Variants in CBR4 observed in about 807,000 individuals in gnomAD.
CBR4 encodes the protein 3-oxoacyl-[acyl-carrier-protein] reductase.
Under a neutral mutation model 21.0 loss-of-function variants are expected in CBR4, and 22 were observed. The observed-to-expected ratio is 1.05, with a 90% CI of 0.75 to 1.50. The LOEUF (loss-of-function observed/expected upper bound fraction) is 1.50. Ranked by LOEUF, CBR4 falls within the 40% of genes most tolerant of loss-of-function variation. The pLI is 0.00. For synonymous variants in CBR4, 100 were observed against 104.4 expected (o/e 0.96, Z 0.26); for missense variants, 302 against 286.3 (o/e 1.05, Z -0.40).
chr4:168,894,688 G>A, exon 3 of CBR4: 1 of 1,611,720 alleles, frequency 6.2e-7, no homozygotes, highest in Non-Finnish European at 8.5e-7. Context: ...GTACCATGTT[G>A]CTCTGGACTT....
intron 2 of CBR4, among the ~76,000 whole-genome samples, chr4:168,917,205 C>T (rs28442249): frequency 0.051 from 7,778 of 151,496 alleles, 259 homozygotes; most frequent in Middle Eastern, 0.079. Flanking sequence ...CGCACCACCA[C>T]GCCCAGTTAA....
chr4:168,987,087 G>A (rs1014030428), downstream of CBR4, among the ~76,000 whole-genome samples: 3 of 152,170 alleles, frequency 2.0e-5, no homozygotes, highest in African/African-American at 7.2e-5. Context: ...ATATTCTGCA[G>A]GTAATACTGA....
chr4:169,002,080 C>T lies in CBR4; in HGVS notation c.526G>A (p.Val176Ile), dbSNP rs1334267788. The T allele has an allele frequency of 6.3e-7, 1 of 1,580,496 alleles. No homozygotes were observed. The highest frequency in any genetic ancestry group is 8.6e-7 in the Non-Finnish European group (1 of 1,167,390). ...TAAAGTTTTCACTAACCTGGTGCAA[C>T]TACATTCACTCTAATTTTCTTTCTT... is the stretch of plus-strand genomic sequence containing the variant. ...VARKKIRVNV[V>I]APGFVHTDMT... The change falls in exon 4 of 5, where the codon GTT (valine) becomes ATT (isoleucine). Residue 176 changes from valine to isoleucine, a missense_variant. Val to Ile is a conservative substitution (Grantham distance 29). Transcript: ENST00000306193.
Position 168,988,581 on chromosome 4 carries a change from T to A in CBR4, c.*1569A>T, listed in dbSNP as rs1411212417. On this transcript the variant is annotated 3_prime_UTR_variant, in exon 5 of 5. Transcript: ENST00000306193. Reference sequence around the variant, plus strand: ...GCTCCCCTACCTTACAAGCATCAACTACTACATTGAAACCATTCTGAGTGC... The same window carrying A: ...GCTCCCCTACCTTACAAGCATCAACAACTACATTGAAACCATTCTGAGTGC... The A allele has an allele frequency of 2.0e-6, 2 of 985,296 alleles. No individual in the cohort carries two copies. Among genetic ancestry groups the A allele is most frequent in the African/African-American group, 3.5e-5 (2 of 57,244 alleles). The allele number at this position is 985,296 out of a possible 1,614,324, so 61.0% of individuals were successfully genotyped here.
chr4:168,990,957 G>A (rs778638802), intron 4 of CBR4, among the ~76,000 whole-genome samples: 7 of 152,032 alleles, frequency 4.6e-5, no homozygotes, highest in Non-Finnish European at 8.8e-5. Flanking sequence ...AGGAGGCTGA[G>A]GCAGGAGAAT....
At chr4:168,909,119 A>AGGATCACAAATACAGTTT (rs1470182706) in intron 2 of CBR4, among the ~76,000 whole-genome samples, 1 of 152,218 alleles carries the variant, frequency 6.6e-6, no homozygotes, top group African/African-American at 2.4e-5. Context: ...TGCCAAAATG[A>AGGATCACAAATACAGTTT]GGATCACAAA....
downstream of CBR4, among the ~76,000 whole-genome samples, chr4:168,984,189 G>C (rs1252841748): frequency 1.3e-5 from 2 of 152,092 alleles, no homozygotes; most frequent in African/African-American, 4.8e-5. Flanking sequence ...TCCTAGATCT[G>C]ATAAACATCT....
intron 3 of CBR4, among the ~76,000 whole-genome samples, chr4:169,006,130 TACACAAGATTTA>T (rs1245253196): frequency 6.6e-6 from 1 of 152,174 alleles, no homozygotes; most frequent in Non-Finnish European, 1.5e-5. Flanking sequence ...TTTAAACCTC[TACACAAGATTTA>T]ACAGTAACCC....
At chr4:169,002,261 G>T (rs1385708922) in intron 3 of CBR4, 56 bp from the exon 4 acceptor site, 4 of 1,328,496 alleles carry the variant, frequency 3.0e-6, no homozygotes, top group Admixed American at 3.3e-5. Flanking sequence ...AATTAATGGG[G>T]TTACTTGAAA....
downstream of CBR4, among the ~76,000 whole-genome samples, chr4:168,982,745 A>C (rs2038705642): frequency 6.6e-6 from 1 of 152,212 alleles, no homozygotes; most frequent in African/African-American, 2.4e-5. Flanking sequence ...CAGTAAAAAC[A>C]GAAATCAATA....
intron 2 of CBR4, among the ~76,000 whole-genome samples, chr4:168,912,244 A>T (rs1395925511): frequency 6.6e-6 from 1 of 152,182 alleles, no homozygotes; most frequent in Non-Finnish European, 1.5e-5. Flanking sequence ...AGCCAATGGG[A>T]GAATTTTATT....
At chr4:168,903,692 TC>T in intron 2 of CBR4, 1 of 1,332,980 alleles carries the variant, frequency 7.5e-7, no homozygotes, top group Non-Finnish European at 1.1e-6. Context: ...GTTACTATTT[TC>T]AGTTCTCCAA....
rs547014627 is a variant in CBR4 at position 168,989,838 on chromosome 4, T to C, written c.*312A>G. ...AAACACAATTTGTCTGGGGGGATGA[T>C]TGCACATGTATTTAAATATGTTAAA... On this transcript the variant is annotated 3_prime_UTR_variant, in exon 5 of 5. Coordinates refer to ENST00000306193, the MANE Select transcript of CBR4 (RefSeq NM_032783.5). 4 of 1,024,140 alleles carry C rather than the reference T, an allele frequency of 3.9e-6. No individual in the cohort carries two copies. Among genetic ancestry groups the C allele is most frequent in the East Asian group, 1.7e-4 (2 of 11,988 alleles). The allele number at this position is 1,024,140 out of a possible 1,614,324, so 63.4% of individuals were successfully genotyped here.
chr4:169,008,959 C>G (rs918935401), intron 1 of CBR4: 8 of 454,842 alleles, frequency 1.8e-5, no homozygotes, highest in Non-Finnish European at 3.1e-5. Context: ...CACCTGGCGT[C>G]TATAGTCCCA....
intron 2 of CBR4, among the ~76,000 whole-genome samples, chr4:168,962,957 T>C (rs1481282330): frequency 6.6e-6 from 1 of 152,206 alleles, no homozygotes; most frequent in Non-Finnish European, 1.5e-5. Context: ...ATTAAATGTC[T>C]ACTAGATACA....
At chr4:168,944,182 C>G (rs1275642777) in intron 2 of CBR4, among the ~76,000 whole-genome samples, 1 of 152,046 alleles carries the variant, frequency 6.6e-6, no homozygotes, top group East Asian at 1.9e-4. Context: ...TAGTGGTTCA[C>G]ACCTGTAATC....
At chr4:168,992,538 T>G (rs562870241) in intron 4 of CBR4, among the ~76,000 whole-genome samples, 6 of 152,170 alleles carry the variant, frequency 3.9e-5, no homozygotes, top group Non-Finnish European at 8.8e-5. Flanking sequence ...AAAATAAAAA[T>G]TATGCTATAG....
intron 2 of CBR4, among the ~76,000 whole-genome samples, chr4:168,968,183 ACTTT>A (rs1315074422): frequency 3.3e-5 from 5 of 152,210 alleles, no homozygotes; most frequent in African/African-American, 7.2e-5. Context: ...CTTTTTTATG[ACTTT>A]CTAACATAGC....
At chr4:168,993,254 A>G (rs1423352383) in intron 4 of CBR4, among the ~76,000 whole-genome samples, 1 of 146,400 alleles carries the variant, frequency 6.8e-6, no homozygotes, top group African/African-American at 2.6e-5. Context: ...CTCTGTCACC[A>G]GGCTGGAATG....
Sources: allele counts gnomAD v4.1 joint callset (sites outside exome capture counted in the v4.1 genomes callset), GRCh38; gene constraint gnomAD v4.1.1; transcripts MANE v1.5; gene names NCBI Gene and HGNC (gene_info 2026-07-23, HGNC 2026-07-21).